CORO1C: variants seen among roughly 807,000 people sequenced by gnomAD.
CORO1C encodes the protein coronin 1C, also known as coronin-1C.
Under a neutral mutation model 51.2 loss-of-function variants are expected in CORO1C, and 14 were observed. The ratio of observed to expected loss-of-function variants is 0.27; its 90% CI spans 0.18 to 0.43. The LOEUF is 0.43. CORO1C is among the 20% of genes least tolerant of loss of function. The pLI is 1.00. For synonymous variants in CORO1C, 181 were observed against 210.5 expected (o/e 0.86, Z 1.21); for missense variants, 417 against 607.8 (o/e 0.69, Z 3.30).
chr12:108,675,368 G>C (rs946779326), intron 3 of CORO1C, among the ~76,000 whole-genome samples: 2 of 152,054 alleles, frequency 1.3e-5, no homozygotes, highest in African/African-American at 4.8e-5. Flanking sequence ...ATTTCAAAAG[G>C]ACTCAGAAAT....
intron 2 of CORO1C, among the ~76,000 whole-genome samples, chr12:108,691,332 G>A (rs140851075): frequency 6.6e-6 from 1 of 152,198 alleles, no homozygotes; most frequent in Non-Finnish European, 1.5e-5. Flanking sequence ...CAGATGATTT[G>A]CTACATGTGG....
In CORO1C at chr12:108,701,306, C is replaced by G. The variant is rs2034861769; in HGVS notation, c.13G>C (p.Val5Leu). 6.2e-7 allele frequency: 1 copy of G among 1,614,040 alleles called. No individual in the cohort carries two copies. Among genetic ancestry groups the G allele is most frequent in the Non-Finnish European group, 8.5e-7 (1 of 1,180,038 alleles). ...ACATGCCGAAACTTGCTCTGTCGTA[C>G]CACTCGCCTCATCGTGTCTGCAAAG... is the stretch of plus-strand genomic sequence containing the variant. MRRV[V>L]RQSKFRHVFG... The change falls in exon 2 of 11, where the codon GTA (valine) becomes CTA (leucine). Residue 5 changes from valine (V) to leucine (L), a missense_variant. Coordinates refer to ENST00000261401, the MANE Select transcript of CORO1C (RefSeq NM_014325.4).
At chr12:108,720,301 AAGTT>A (rs2035445933) in intron 1 of CORO1C, among the ~76,000 whole-genome samples, 1 of 152,188 alleles carries the variant, frequency 6.6e-6, no homozygotes, top group Non-Finnish European at 1.5e-5. Flanking sequence ...GAAATCAATT[AAGTT>A]AATTTGTGAT....
At chr12:108,725,603 C>A (rs1485174304) in intron 1 of CORO1C, among the ~76,000 whole-genome samples, 6 of 152,134 alleles carry the variant, frequency 3.9e-5, no homozygotes, top group Non-Finnish European at 8.8e-5. Context: ...CTCAGTTCCC[C>A]TAAATACAAA....
chr12:108,713,500 T>A (rs1223332209), intron 1 of CORO1C, among the ~76,000 whole-genome samples: 4 of 152,230 alleles, frequency 2.6e-5, no homozygotes, highest in African/African-American at 9.6e-5. Context: ...TTTGTTTCAA[T>A]TCAATAACTC....
chr12:108,655,387 CCCACGGTCTCCCTCTCCCTCTCTTT>C, intron 6 of CORO1C, among the ~76,000 whole-genome samples: 1 of 150,182 alleles, frequency 6.7e-6, no homozygotes, highest in Non-Finnish European at 1.5e-5. Flanking sequence ...TCTCCCTCTC[CCCACGGTCTCCCTCTCCCTCTCTTT>C]CCACGCTCTC....
At chr12:108,659,918 A>G (rs2033185557) in intron 4 of CORO1C, among the ~76,000 whole-genome samples, 1 of 152,230 alleles carries the variant, frequency 6.6e-6, no homozygotes, top group Non-Finnish European at 1.5e-5. Context: ...GAAGCCCACA[A>G]TGTCAACTCA....
intron 1 of CORO1C, among the ~76,000 whole-genome samples, chr12:108,728,415 A>G (rs1280540745): frequency 1.3e-5 from 2 of 152,172 alleles, no homozygotes; most frequent in African/African-American, 4.8e-5. Flanking sequence ...TAAGGGCAAG[A>G]CACAAAAGAC....
chr12:108,706,201 A>AC (rs1156524633), intron 1 of CORO1C, among the ~76,000 whole-genome samples: 12 of 151,818 alleles, frequency 7.9e-5, no homozygotes, highest in South Asian at 2.1e-4. Context: ...AAAAACAAAA[A>AC]AAACAAAAAA....
At chr12:108,716,566 G>C (rs2035341531) in intron 1 of CORO1C, among the ~76,000 whole-genome samples, 1 of 152,186 alleles carries the variant, frequency 6.6e-6, no homozygotes, top group Non-Finnish European at 1.5e-5. Flanking sequence ...CATTAAGGAA[G>C]AGTAGGAAAA....
chr12:108,718,483 A>G (rs1213153134), intron 1 of CORO1C, among the ~76,000 whole-genome samples: 1 of 152,186 alleles, frequency 6.6e-6, no homozygotes. Context: ...CAGAGGTTGC[A>G]GTGAGCAGAG....
intron 8 of CORO1C, among the ~76,000 whole-genome samples, chr12:108,650,946 A>G (rs1389982524): frequency 6.6e-6 from 1 of 151,638 alleles, no homozygotes; most frequent in African/African-American, 2.4e-5. Flanking sequence ...AATCACATAG[A>G]GAGTTTTGGT....
chr12:108,691,636 C>T (rs556240454), intron 2 of CORO1C, among the ~76,000 whole-genome samples: 1 of 152,322 alleles, frequency 6.6e-6, no homozygotes, highest in Admixed American at 6.5e-5. Context: ...CTCTGAGCCA[C>T]CCGTGCAGCC....
At chr12:108,717,759 G>A (rs2035374624) in intron 1 of CORO1C, among the ~76,000 whole-genome samples, 1 of 152,056 alleles carries the variant, frequency 6.6e-6, no homozygotes, top group Non-Finnish European at 1.5e-5. Flanking sequence ...GACAAGTAAG[G>A]TATCTGAAAA....
intron 1 of CORO1C, among the ~76,000 whole-genome samples, chr12:108,707,363 A>T (rs989020503): frequency 1.3e-5 from 2 of 152,242 alleles, no homozygotes; most frequent in Non-Finnish European, 2.9e-5. Flanking sequence ...GAATATAATT[A>T]AAGTCCAGAA....
intron 1 of CORO1C, among the ~76,000 whole-genome samples, chr12:108,725,028 T>C (rs765964173): frequency 2.6e-5 from 4 of 152,182 alleles, no homozygotes; most frequent in Non-Finnish European, 5.9e-5. Flanking sequence ...AAAAAATCCA[T>C]CTTTTGCCAG....
chr12:108,711,679 CAAAA>C (rs766919638), intron 1 of CORO1C, among the ~76,000 whole-genome samples: 1 of 60,528 alleles, frequency 1.7e-5, no homozygotes. Flanking sequence ...AACTCCGTCT[CAAAA>C]AAAAAAAAAA....
At position 108,729,437 on chromosome 12, in the gene CORO1C, A is replaced by T. The variant is rs2035664933; in HGVS notation, c.-6+1992T>A. On this transcript the variant is annotated intron_variant, in intron 1 of 10. Coordinates refer to ENST00000261401, the MANE Select transcript of CORO1C (RefSeq NM_014325.4). Reference sequence around the variant, plus strand: ...AGGCTTTAATGTACCTTCCACAAGTAATCAAAATAAATATGGACAAGATAG... The same window carrying T: ...AGGCTTTAATGTACCTTCCACAAGTTATCAAAATAAATATGGACAAGATAG... Among the ~76,000 whole-genome samples, 6 of 152,342 alleles carry T rather than the reference A, an allele frequency of 3.9e-5. No homozygotes were observed. The South Asian group carries it at 1.2e-3, about 32-fold the overall frequency.
intron 1 of CORO1C, among the ~76,000 whole-genome samples, chr12:108,716,032 G>A (rs1169948195): frequency 2.0e-5 from 3 of 147,254 alleles, no homozygotes; most frequent in African/African-American, 7.5e-5. Flanking sequence ...TCGGGAGGCT[G>A]AGGCAGGAGA....
Sources: allele counts gnomAD v4.1 joint callset (sites outside exome capture counted in the v4.1 genomes callset), GRCh38; gene constraint gnomAD v4.1.1; transcripts MANE v1.5; gene names NCBI Gene and HGNC (gene_info 2026-07-23, HGNC 2026-07-21).